BICRAL: variants seen among roughly 807,000 people sequenced by gnomAD.
The protein encoded by BICRAL is BRD4-interacting chromatin-remodeling complex-associated protein-like.
A neutral mutation model predicts 91.8 loss-of-function variants in BICRAL; 8 were observed. The observed-to-expected ratio is 0.09, with a 90% CI of 0.05 to 0.16. BICRAL has a LOEUF of 0.16. BICRAL is among the 10% of genes least tolerant of loss of function. The probability of loss-of-function intolerance (pLI) is 1.00; values close to 1 mark genes in which losing one functional copy is unlikely to be tolerated. For missense variants in BICRAL, 1,038 were observed against 1,310.9 expected, an observed-to-expected ratio of 0.79 and a Z score of 3.21; for synonymous variants, 445 against 491.1, an observed-to-expected ratio of 0.91 and a Z score of 1.24.
intron 1 of BICRAL, among the ~76,000 whole-genome samples, chr6:42,751,659 T>TA (rs200061022): frequency 0.012 from 1,750 of 146,940 alleles, 36 homozygotes; most frequent in African/African-American, 0.042. Context: ...CTTTTCTTTT[T>TA]TTTTTTTTTT....
At chr6:42,800,055 T>TTTTTG (rs1238443588) in intron 1 of BICRAL, among the ~76,000 whole-genome samples, 30 of 151,558 alleles carry the variant, frequency 2.0e-4, no homozygotes, top group Middle Eastern at 3.4e-3. Flanking sequence ...AATTTTTGGG[T>TTTTTG]TTTTGTTTTG....
At chr6:42,755,292 G>A (rs1762441862) in intron 1 of BICRAL, among the ~76,000 whole-genome samples, 1 of 152,144 alleles carries the variant, frequency 6.6e-6, no homozygotes, top group African/African-American at 2.4e-5. Flanking sequence ...GAAGACAATG[G>A]GATTTGGGGC....
At chr6:42,782,487 C>T (rs1762943501) in intron 1 of BICRAL, among the ~76,000 whole-genome samples, 1 of 123,860 alleles carries the variant, frequency 8.1e-6, no homozygotes, top group South Asian at 2.9e-4. Context: ...CGGGCGGGGG[C>T]GCAGGCGGGC....
intron 10 of BICRAL, among the ~76,000 whole-genome samples, chr6:42,857,614 A>AAAATATATATATATATATAT: frequency 1.0e-5 from 1 of 96,242 alleles, no homozygotes; most frequent in African/African-American, 6.5e-5. Flanking sequence ...AAAAAAAAAA[A>AAAATATATATATATATATAT]ATATATATAT....
chr6:42,857,614 A>AAAAAAAAAAAAAAAAAAATATATAT, intron 10 of BICRAL, among the ~76,000 whole-genome samples: 1 of 96,242 alleles, frequency 1.0e-5, no homozygotes, highest in African/African-American at 6.5e-5. Flanking sequence ...AAAAAAAAAA[A>AAAAAAAAAAAAAAAAAAATATATAT]ATATATATAT....
In BICRAL at chr6:42,829,519, G is replaced by A. The variant is rs763503257; in HGVS notation, c.1186G>A (p.Ala396Thr). The A allele has an allele frequency of 7.4e-5, 119 of 1,613,984 alleles. 1 individual carries two copies. The East Asian group carries it at 1.1e-3, about 15-fold the overall frequency. ...VIHSPMGQPH[A>T]PQSQFLIPTS... ...TCATTCCCCCATGGGCCAACCTCAC[G>A]CACCCCAAAGTCAGTTCCTTATACC... Residue 396 changes from alanine (A) to threonine (T), a missense_variant, in exon 6 of 13, where the codon GCA (alanine) becomes ACA (threonine). Ala to Thr is a moderately conservative substitution (Grantham distance 58). Coordinates refer to ENST00000314073, the MANE Select transcript of BICRAL (RefSeq NM_001393499.1).
At chr6:42,790,875 G>C (rs752156130) in intron 1 of BICRAL, among the ~76,000 whole-genome samples, 4 of 152,078 alleles carry the variant, frequency 2.6e-5, no homozygotes, top group Non-Finnish European at 4.4e-5. Context: ...GGCAGAAGGT[G>C]GGCTGGGGGA....
chr6:42,789,794 C>T (rs576975964), intron 1 of BICRAL, among the ~76,000 whole-genome samples: 75 of 152,226 alleles, frequency 4.9e-4, no homozygotes, highest in African/African-American at 1.7e-3. Context: ...CTTGAGGGTG[C>T]ATAAGTCACC....
Position 42,865,340 on chromosome 6 carries a change from C to T in BICRAL, c.3134C>T (p.Ala1045Val). The T allele has an allele frequency of 1.2e-6, 2 of 1,613,414 alleles. No homozygotes were observed. Among genetic ancestry groups the T allele is most frequent in the Non-Finnish European group, 1.7e-6 (2 of 1,179,334 alleles). ...GATTTCCCCAACTTTTCTCCTATGG[C>T]TTCACAGGAAAACTGCCTGGAAAAG... The part of the protein sequence containing the change: ...ELDFPNFSPM[A>V]SQENCLEKFI... Residue 1045 changes from alanine (A) to valine (V), a missense_variant, in exon 13 of 13, where the codon GCT becomes GTT. Ala to Val is a moderately conservative substitution (Grantham distance 64). Coordinates refer to ENST00000314073, the MANE Select transcript of BICRAL (RefSeq NM_001393499.1).
intron 5 of BICRAL, among the ~76,000 whole-genome samples, chr6:42,825,543 C>T (rs1050175176): frequency 3.3e-5 from 5 of 150,158 alleles, no homozygotes; most frequent in South Asian, 2.1e-4. Flanking sequence ...TCAGCCCGGG[C>T]GACAGAGCAA....
intron 3 of BICRAL, 137 bp downstream of exon 3, chr6:42,822,200 CAG>C: frequency 3.6e-6 from 2 of 561,872 alleles, no homozygotes; most frequent in Non-Finnish European, 6.4e-6. Context: ...AGTAGAGAAA[CAG>C]AGACATGATT....
intron 6 of BICRAL, among the ~76,000 whole-genome samples, chr6:42,849,761 G>C (rs907017933): frequency 1.3e-5 from 2 of 150,004 alleles, no homozygotes. Flanking sequence ...GTTAACATAA[G>C]TTTAGTTTGG....
intron 6 of BICRAL, among the ~76,000 whole-genome samples, chr6:42,832,499 A>C (rs927673170): frequency 6.7e-6 from 1 of 150,254 alleles, no homozygotes; most frequent in Non-Finnish European, 1.5e-5. Context: ...AATTTCACTA[A>C]GAATCCTAGG....
intron 1 of BICRAL, among the ~76,000 whole-genome samples, chr6:42,793,198 C>A (rs149338493): frequency 1.1e-3 from 123 of 111,168 alleles, no homozygotes; most frequent in African/African-American, 3.8e-3. Flanking sequence ...GACTGGAGTG[C>A]ATTGGCGTGA....
At chr6:42,802,879 C>T (rs896585120) in intron 1 of BICRAL, among the ~76,000 whole-genome samples, 2 of 152,176 alleles carry the variant, frequency 1.3e-5, no homozygotes, top group African/African-American at 4.8e-5. Flanking sequence ...CCACACCCGG[C>T]TCCTCATTTC....
rs947298907 is a variant in BICRAL at position 42,845,227 on chromosome 6, T to G, written c.1840-6865T>G. Among the ~76,000 whole-genome samples the G allele has an allele frequency of 2.2e-4, 18 of 82,430 alleles. 1 individual carries two copies. The highest frequency in any genetic ancestry group is 4.1e-4 in the South Asian group (1 of 2,420). The allele number at this position is 82,430 out of a possible 152,430, so 54.1% of individuals were successfully genotyped here. A position where few individuals can be genotyped will look rare whatever the true frequency, so the allele number is the denominator to read the frequency against. ...TTTTTTTTTTTTTTTTTTTTTTTTT[T>G]TTTTTTTTTTTTTTTTTTTTTAGAC... On this transcript the variant is annotated intron_variant, in intron 6 of 12. Coordinates refer to ENST00000314073, the MANE Select transcript of BICRAL (RefSeq NM_001393499.1).
chr6:42,821,170 C>T (rs1402675799), intron 2 of BICRAL: 1 of 152,250 alleles, frequency 6.6e-6, no homozygotes, highest in Non-Finnish European at 1.5e-5. Flanking sequence ...CCACACATGG[C>T]TCAAAAGGGT....
intron 1 of BICRAL, among the ~76,000 whole-genome samples, chr6:42,785,630 A>T (rs1017217815): frequency 1.3e-5 from 2 of 152,084 alleles, no homozygotes; most frequent in Admixed American, 1.3e-4. Context: ...AAAGACCCTG[A>T]TATAAAGACC....
At chr6:42,800,420 C>A (rs1338533718) in intron 1 of BICRAL, among the ~76,000 whole-genome samples, 8 of 152,024 alleles carry the variant, frequency 5.3e-5, no homozygotes, top group Non-Finnish European at 7.4e-5. Context: ...CACTTCGGCC[C>A]CCCAAAGTGC....
Sources: gnomAD v4.1 joint callset for allele counts (sites outside exome capture counted in the v4.1 genomes callset) on GRCh38, gnomAD v4.1.1 for gene constraint, MANE v1.5 for transcripts, NCBI Gene and HGNC (gene_info 2026-07-23, HGNC 2026-07-21) for gene names.